The following PTPN18 variants were observed in gnomAD, a reference collection of about 807,000 sequenced individuals.
The protein encoded by PTPN18 is tyrosine-protein phosphatase non-receptor type 18.
A neutral mutation model predicts 65.4 loss-of-function variants in PTPN18; 65 were observed. That is an observed-to-expected ratio of 0.99 (90% CI 0.81 to 1.22). PTPN18 has a LOEUF of 1.22. Among genes scored for constraint, PTPN18 ranks in the 50% most tolerant of loss-of-function variants. PTPN18 has a pLI of 0.00. For missense variants in PTPN18, 616 were observed against 646.5 expected (o/e 0.95, Z 0.51); for synonymous variants, 255 against 267.8 (o/e 0.95, Z 0.47).
At position 130,373,501 on chromosome 2, in the gene PTPN18, G is replaced by T; in HGVS notation, c.*277G>T. ...GACCCCTGAGTTATGAAGGGGAGAAGGGACAGATGAGCTTCCGGAGACTGC... is the reference window on the plus strand; with the variant it reads ...GACCCCTGAGTTATGAAGGGGAGAATGGACAGATGAGCTTCCGGAGACTGC... On this transcript the variant is annotated 3_prime_UTR_variant, in exon 15 of 15. Transcript: ENST00000175756. The surrounding 1 kb of genome is among the most constrained non-coding windows in gnomAD (Gnocchi z 4.1). 1 of 325,344 alleles carries T rather than the reference G, an allele frequency of 3.1e-6. No homozygotes were observed. The highest frequency in any genetic ancestry group is 5.6e-6 in the Non-Finnish European group (1 of 178,102). 20.2% of individuals were successfully genotyped at this position (325,344 alleles called of 1,614,324 possible). A position where few individuals can be genotyped will look rare whatever the true frequency, so the allele number is the denominator to read the frequency against.
In PTPN18 at chr2:130,372,495, C is replaced by T; in HGVS notation, c.1240+12C>T. ...GCTGCCTGGCCGCGGTGAGTCGAGGCTTGCTCCTTCTCAGGGCATCATCCT... is the reference window on the plus strand; with the variant it reads ...GCTGCCTGGCCGCGGTGAGTCGAGGTTTGCTCCTTCTCAGGGCATCATCCT... On this transcript the variant is annotated intron_variant, in intron 13 of 14. Transcript: ENST00000175756. 1.4e-6 allele frequency: 2 copies of T among 1,387,528 alleles called. No individual in the cohort carries two copies. The highest frequency in any genetic ancestry group is 1.9e-6 in the Non-Finnish European group (2 of 1,078,580). 86.0% of individuals were successfully genotyped at this position (1,387,528 alleles called of 1,614,324 possible). A position where few individuals can be genotyped will look rare whatever the true frequency, so the allele number is the denominator to read the frequency against.
Position 130,359,507 on chromosome 2 carries a change from G to A in PTPN18, c.375+15G>A. 2.5e-6 allele frequency: 4 copies of A among 1,613,870 alleles called. No individual in the cohort carries two copies. The highest frequency in any genetic ancestry group is 2.5e-6 in the Non-Finnish European group (3 of 1,179,776). The stretch of plus-strand genomic sequence containing the variant: ...TTGGGGTCAAGGTCAGCACTTGGGG[G>A]TGCGGCACAATGGTGGGGTCAACAT... On this transcript the variant is annotated intron_variant, in intron 4 of 14. Transcript: ENST00000175756.
Position 130,373,028 on chromosome 2 carries a change from C to T in PTPN18, c.1315+81C>T, listed in dbSNP as rs1252261496. 1 of 1,578,056 alleles carries T rather than the reference C, an allele frequency of 6.3e-7. No individual in the cohort carries two copies. The highest frequency in any genetic ancestry group is 8.7e-7 in the Non-Finnish European group (1 of 1,149,614). ...AGTCTGGGGTTGATGGGGCATGGAG[C>T]TTAGTCCTGTGGATGTGGCTGCAGT... On this transcript the variant is annotated intron_variant, in intron 14 of 14. Coordinates refer to ENST00000175756, the MANE Select transcript of PTPN18 (RefSeq NM_014369.4). The surrounding 1 kb of genome is among the most constrained non-coding windows in gnomAD (Gnocchi z 4.1).
At position 130,372,317 on chromosome 2, in the gene PTPN18, G is replaced by GA. The variant is rs773808953; in HGVS notation, c.1076dup (p.Arg360AlafsTer58). 84 of 1,485,918 alleles carry GA rather than the reference G, an allele frequency of 5.7e-5. No homozygotes were observed. Among genetic ancestry groups the GA allele is most frequent in the Non-Finnish European group, 6.9e-5 (78 of 1,129,548 alleles). The allele number at this position is 1,485,918 out of a possible 1,614,324, so 92.0% of individuals were successfully genotyped here. ...TGGCTGACACCTACGCGGTGGTGCA[G>GA]AAGCGCGGGGCTCCAGCGGGCGCCG... On this transcript the variant is annotated frameshift_variant, in exon 13 of 15. Coordinates refer to ENST00000175756, the MANE Select transcript of PTPN18 (RefSeq NM_014369.4). LOFTEE classifies it high-confidence loss of function.
In PTPN18 at chr2:130,372,325, G is replaced by T; in HGVS notation, c.1082G>T (p.Gly361Val). ...ACCTACGCGGTGGTGCAGAAGCGCG[G>T]GGCTCCAGCGGGCGCCGGGAGTGGG... The part of the protein sequence containing the change: ...ADTYAVVQKR[G>V]APAGAGSGTQ... Residue 361 changes from glycine (G) to valine (V), a missense_variant, in exon 13 of 15, where the codon GGG becomes GTG. Physicochemically the swap from Gly to Val is moderately radical, Grantham distance 109. Around this residue, in one of 3 missense-constraint regions of PTPN18, gnomAD observed 368 missense variants for 386.7 expected, o/e 0.95. Transcript: ENST00000175756. 1 of 1,442,460 alleles carries T rather than the reference G, an allele frequency of 6.9e-7. No homozygotes were observed. Among genetic ancestry groups the T allele is most frequent in the Non-Finnish European group, 9.0e-7 (1 of 1,106,836 alleles). The allele number at this position is 1,442,460 out of a possible 1,614,324, so 89.4% of individuals were successfully genotyped here. A position where few individuals can be genotyped will look rare whatever the true frequency, so the allele number is the denominator to read the frequency against.
chr2:130,359,959 A>C, intron 5 of PTPN18: 3 of 371,532 alleles, frequency 8.1e-6, no homozygotes, highest in South Asian at 3.1e-5. Flanking sequence ...CACTCTAACA[A>C]CTCTGGTCTC....
intron 2 of PTPN18, 27 bp downstream of exon 2, chr2:130,359,002 G>T (rs753605520): frequency 2.5e-6 from 4 of 1,608,620 alleles, no homozygotes; most frequent in African/African-American, 1.3e-5. Flanking sequence ...GTAGGGAGTC[G>T]GTGCAGCCTT....
intron 5 of PTPN18, chr2:130,362,368 C>G (rs1680244172): frequency 7.4e-6 from 2 of 268,670 alleles, no homozygotes; most frequent in South Asian, 6.1e-5. Context: ...AACCTACCAT[C>G]TTGCTATTTG....
Position 130,370,705 on chromosome 2 carries a change from A to G in PTPN18, c.757A>G (p.Met253Val). Residue 253 changes from methionine to valine, a missense_variant and splice_region_variant, in exon 10 of 15, where the codon ATG becomes GTG. Physicochemically the swap from Met to Val is conservative, Grantham distance 21 (BLOSUM62 1). Transcript: ENST00000175756. ...CAAGTGCCTTGTCTGTCTGCCCCAGATGATCCCACCTGACTTCAGTCTCTT... is the reference window on the plus strand; with the variant it reads ...CAAGTGCCTTGTCTGTCTGCCCCAGGTGATCCCACCTGACTTCAGTCTCTT... ...DYVRQLLLTQ[M>V]IPPDFSLFDV... is the part of the protein sequence containing the mutation. 2 of 1,614,166 alleles carry G rather than the reference A, an allele frequency of 1.2e-6. No homozygotes were observed. Among genetic ancestry groups the G allele is most frequent in the Non-Finnish European group, 1.7e-6 (2 of 1,180,018 alleles).
rs1490131682 is a variant in PTPN18 at position 130,366,119 on chromosome 2, T to TTTCTAA, written c.415-3014_415-3013insTTCTAA. On this transcript the variant is annotated intron_variant, in intron 5 of 14. Transcript: ENST00000175756. ...ATGTTTATGCTTAGAAAGGCCTTCC[T>TTTCTAA]GTAAGGTTGACTCTTGGGTGGCCTC... Among the ~76,000 whole-genome samples the TTTCTAA allele has an allele frequency of 2.6e-5, 4 of 152,220 alleles. No homozygotes were observed. The East Asian group carries it at 7.7e-4, about 29-fold the overall frequency.
Position 130,359,427 on chromosome 2 carries a change from A to G in PTPN18, c.310A>G (p.Thr104Ala), listed in dbSNP as rs960237040. The change falls in exon 4 of 15, where the codon ACG becomes GCG. Residue 104 changes from threonine to alanine, a missense_variant. By Grantham distance (58) the Thr-to-Ala change is moderately conservative. Transcript: ENST00000175756. ...GVDGSLAYIA[T>A]QGPLPHTLLD... ...GGATGGAAGCCTGGCCTACATTGCC[A>G]CGCAAGGACCCTTGCCTCACACCCT... is the stretch of plus-strand genomic sequence containing the variant. 4 of 1,614,196 alleles carry G rather than the reference A, an allele frequency of 2.5e-6. No individual in the cohort carries two copies. Among genetic ancestry groups the G allele is most frequent in the Non-Finnish European group, 3.4e-6 (4 of 1,180,036 alleles).
chr2:130,372,314 G>A lies in PTPN18; in HGVS notation c.1071G>A (p.Val357=), dbSNP rs377398175. 471 of 1,492,110 alleles carry A rather than the reference G, an allele frequency of 3.2e-4. 2 individuals are homozygous for A. In the African/African-American group the frequency reaches 5.7e-3, roughly 18 times the overall value. 92.4% of individuals were successfully genotyped at this position (1,492,110 alleles called of 1,614,324 possible). ...CCATGGCTGACACCTACGCGGTGGT[G>A]CAGAAGCGCGGGGCTCCAGCGGGCG... ...GHAMADTYAV[V]QKRGAPAGAG... is the part of the protein sequence containing the mutation. Residue 357 remains valine (V), a synonymous_variant, in exon 13 of 15, where the codon GTG becomes GTA. Coordinates refer to ENST00000175756, the MANE Select transcript of PTPN18 (RefSeq NM_014369.4).
At chr2:130,360,240 G>A (rs1358480833) in intron 5 of PTPN18, among the ~76,000 whole-genome samples, 1 of 152,144 alleles carries the variant, frequency 6.6e-6, no homozygotes, top group African/African-American at 2.4e-5. Flanking sequence ...AATGTATTAT[G>A]TACATTGTTT....
At chr2:130,369,735 C>T in intron 6 of PTPN18, 30 bp from the exon 7 acceptor site, 4 of 1,534,980 alleles carry the variant, frequency 2.6e-6, no homozygotes, top group Non-Finnish European at 3.6e-6. Flanking sequence ...TCTCCTCCCT[C>T]TTCTTACTTG....
chr2:130,369,924 A>G (rs1680499386), intron 7 of PTPN18, 97 bp downstream of exon 7: 3 of 1,540,370 alleles, frequency 1.9e-6, no homozygotes, highest in Admixed American at 3.5e-5. Context: ...CCACTTCCTC[A>G]GTTATTGTCT....
intron 7 of PTPN18, 34 bp from the exon 8 acceptor site, chr2:130,370,014 C>G: frequency 6.2e-7 from 1 of 1,602,488 alleles, no homozygotes. Flanking sequence ...CTTTTTTTTC[C>G]TAAGTCTTTT....
intron 5 of PTPN18, among the ~76,000 whole-genome samples, chr2:130,365,934 T>C (rs1680367592): frequency 6.6e-6 from 1 of 152,258 alleles, no homozygotes; most frequent in Non-Finnish European, 1.5e-5. Context: ...GATGTGTTTA[T>C]CCTTGTGCCA....
chr2:130,372,576 G>A, intron 13 of PTPN18, 93 bp downstream of exon 13: 3 of 1,362,810 alleles, frequency 2.2e-6, no homozygotes, highest in Non-Finnish European at 2.9e-6. Flanking sequence ...CCTGGCGGCC[G>A]CGGGGACCCC....
chr2:130,356,299 TC>T, intron 1 of PTPN18, 99 bp downstream of exon 1: 1 of 838,902 alleles, frequency 1.2e-6, no homozygotes, highest in Non-Finnish European at 1.7e-6. Flanking sequence ...TGTCTCGGTG[TC>T]CCCGGTGTCT....
Sources: allele counts gnomAD v4.1 joint callset (sites outside exome capture counted in the v4.1 genomes callset), GRCh38; gene constraint gnomAD v4.1.1; regional missense constraint gnomAD v4.1.1; non-coding constraint Gnocchi (gnomAD v3.1); transcripts MANE v1.5; gene names NCBI Gene and HGNC (gene_info 2026-07-23, HGNC 2026-07-21).